MCF2L2: variants seen among roughly 807,000 people sequenced by gnomAD.
MCF2L2 encodes the protein MCF.2 cell line derived transforming sequence-like 2.
A neutral mutation model predicts 150.2 loss-of-function variants in MCF2L2; 102 were observed. That is an observed-to-expected ratio of 0.68 (90% CI 0.58 to 0.80). The LOEUF is 0.80. MCF2L2 is among the 30% of genes least tolerant of loss of function. The pLI, the probability that MCF2L2 is intolerant of heterozygous loss-of-function variation, is 0.00. For synonymous variants in MCF2L2, 465 were observed against 491.3 expected (o/e 0.95, Z 0.71); for missense variants, 1,256 against 1,372.8 (o/e 0.91, Z 1.34).
chr3:183,270,109 G>A lies in MCF2L2; in HGVS notation c.1862+6763C>T. ...ACTGCTCCTGAAAACTATGATCGAC[G>A]TTCCGGAATTAGAAGGACGTGGGGC... On this transcript the variant is annotated intron_variant, in intron 15 of 29. Coordinates refer to ENST00000328913, the MANE Select transcript of MCF2L2 (RefSeq NM_015078.4). The surrounding 1 kb of genome is among the most constrained non-coding windows in gnomAD (Gnocchi z 4.5). The A allele has an allele frequency of 2.5e-6, 4 of 1,614,082 alleles. No individual in the cohort carries two copies. Among genetic ancestry groups the A allele is most frequent in the Non-Finnish European group, 3.4e-6 (4 of 1,180,014 alleles).
chr3:183,209,943 A>G (rs1722632238), intron 22 of MCF2L2, among the ~76,000 whole-genome samples: 1 of 152,186 alleles, frequency 6.6e-6, no homozygotes, highest in African/African-American at 2.4e-5. Flanking sequence ...CCTAAAAAAA[A>G]AAAAACTCCA....
intron 5 of MCF2L2, among the ~76,000 whole-genome samples, chr3:183,326,492 CAAAAAA>C (rs890481068): frequency 7.6e-5 from 3 of 39,434 alleles, no homozygotes; most frequent in East Asian, 9.2e-4. Context: ...AACTCCGTCT[CAAAAAA>C]AAAAAAAAAA....
chr3:183,294,599 ATGTGTG>A (rs766214507), intron 13 of MCF2L2, among the ~76,000 whole-genome samples: 4 of 132,304 alleles, frequency 3.0e-5, no homozygotes, highest in Middle Eastern at 4.0e-3. Flanking sequence ...ATATATGTGT[ATGTGTG>A]TGTGTGTGTG....
At chr3:183,180,257 G>C in intron 27 of MCF2L2, 98 bp from the exon 28 acceptor site, 2 of 765,854 alleles carry the variant, frequency 2.6e-6, no homozygotes, top group Non-Finnish European at 2.3e-6. Flanking sequence ...TTGCAGGCAC[G>C]GTCCTCCCCA....
At chr3:183,342,925 C>T (rs1730760509) in intron 3 of MCF2L2, among the ~76,000 whole-genome samples, 1 of 152,030 alleles carries the variant, frequency 6.6e-6, no homozygotes, top group South Asian at 2.1e-4. Context: ...GCAAAACCTG[C>T]AGGAAAACAT....
In MCF2L2 at chr3:183,398,681, A is replaced by G. The variant is rs182351072; in HGVS notation, c.77-8902T>C. Reference sequence around the variant, plus strand: ...TGGGTCTTTATTAACGCATATTCCAATCAGCATGTTATCTCTAGTTTAATT... The same window carrying G: ...TGGGTCTTTATTAACGCATATTCCAGTCAGCATGTTATCTCTAGTTTAATT... On this transcript the variant is annotated intron_variant, in intron 1 of 29. Transcript: ENST00000328913. Among the ~76,000 whole-genome samples, 83 of 152,304 alleles carry G rather than the reference A, an allele frequency of 5.4e-4. 1 individual carries two copies. The highest frequency in any genetic ancestry group is 3.1e-3 in the Admixed American group (47 of 15,292).
intron 13 of MCF2L2, 109 bp downstream of exon 13, chr3:183,295,191 A>C (rs1452420434): frequency 8.8e-7 from 1 of 1,133,634 alleles, no homozygotes; most frequent in Non-Finnish European, 1.3e-6. Flanking sequence ...TGTTTTAAAT[A>C]GTATCTGTTA....
intron 14 of MCF2L2, among the ~76,000 whole-genome samples, chr3:183,280,303 A>G (rs565640620): frequency 1.5e-4 from 23 of 152,344 alleles, no homozygotes; most frequent in Non-Finnish European, 2.5e-4. Context: ...AAACGCCTAG[A>G]GGAATTTTGT....
At chr3:183,417,346 TCAA>T (rs1290374965) in intron 1 of MCF2L2, among the ~76,000 whole-genome samples, 2 of 152,070 alleles carry the variant, frequency 1.3e-5, no homozygotes, top group Admixed American at 6.6e-5. Flanking sequence ...AAGAAGCTCT[TCAA>T]CTTATGATGA....
intron 6 of MCF2L2, among the ~76,000 whole-genome samples, chr3:183,321,677 ATGTG>A (rs1483028714): frequency 6.6e-6 from 1 of 152,236 alleles, no homozygotes; most frequent in East Asian, 1.9e-4. Context: ...ACACGACTGT[ATGTG>A]TGTGTATAAA....
At chr3:183,250,617 T>C (rs1420953738) in intron 15 of MCF2L2, among the ~76,000 whole-genome samples, 3 of 145,438 alleles carry the variant, frequency 2.1e-5, no homozygotes, top group Non-Finnish European at 3.0e-5. Flanking sequence ...AAGAAAGAAA[T>C]GTAAGTCAAG....
rs35323502 is a variant in MCF2L2 at position 183,257,958 on chromosome 3, C to CTTTT, written c.1862+18910_1862+18913dup. Among the ~76,000 whole-genome samples the CTTTT allele has an allele frequency of 8.2e-3, 529 of 64,708 alleles. 132 individuals carry two copies. Among genetic ancestry groups the CTTTT allele is most frequent in the African/African-American group, 0.034 (484 of 14,370 alleles). The allele number at this position is 64,708 out of a possible 152,430, so 42.5% of individuals were successfully genotyped here. ...TATTCCTTGCTCCCTCCACTTCACC[C>CTTTT]TTTTTTTTTTTTTTTTTTTTTTTTT... On this transcript the variant is annotated intron_variant, in intron 15 of 29. Transcript: ENST00000328913.
At position 183,197,368 on chromosome 3, in the gene MCF2L2, T is replaced by G. The variant is rs1389830623; in HGVS notation, c.2885-2113A>C. ...GAGAAAGAATAGTGTTTTTAACAAC[T>G]GGCAATGGAAAAACTAGAACATCAG... On this transcript the variant is annotated intron_variant, in intron 25 of 29. Coordinates refer to ENST00000328913, the MANE Select transcript of MCF2L2 (RefSeq NM_015078.4). This position sits in a 1 kb window ranked among gnomAD's most constrained non-coding sequence, Gnocchi z 4.5. Among the ~76,000 whole-genome samples, 1 of 152,160 alleles carries G rather than the reference T, an allele frequency of 6.6e-6. No individual in the cohort carries two copies. Among genetic ancestry groups the G allele is most frequent in the Non-Finnish European group, 1.5e-5 (1 of 68,028 alleles).
chr3:183,424,112 G>A (rs1410793686), intron 1 of MCF2L2, among the ~76,000 whole-genome samples: 2 of 152,086 alleles, frequency 1.3e-5, no homozygotes, highest in Non-Finnish European at 2.9e-5. Flanking sequence ...AACCGAAAAG[G>A]GATAGGATGA....
intron 1 of MCF2L2, among the ~76,000 whole-genome samples, chr3:183,405,654 C>T (rs1241554236): frequency 6.6e-6 from 1 of 152,186 alleles, no homozygotes. Flanking sequence ...ATTGAATATG[C>T]CACTGGACAG....
chr3:183,377,327 A>G (rs943075359), intron 3 of MCF2L2: 9 of 152,208 alleles, frequency 5.9e-5, no homozygotes, highest in African/African-American at 2.2e-4. Context: ...TTTGCTGAGG[A>G]TGATGGCTCC....
rs913411626 is a variant in MCF2L2, at chr3:183,305,926, G to A, written c.1113+3790C>T. ...AAGGTCACTATTACAGAATTGAAAG[G>A]ACAACAATAGTTTCTGACCACTGAC... On this transcript the variant is annotated intron_variant, in intron 10 of 29. Coordinates refer to ENST00000328913, the MANE Select transcript of MCF2L2 (RefSeq NM_015078.4). This position sits in a 1 kb window ranked among gnomAD's most constrained non-coding sequence, Gnocchi z 4.1. Among the ~76,000 whole-genome samples the A allele has an allele frequency of 6.6e-6, 1 of 152,158 alleles. No individual in the cohort carries two copies. The highest frequency in any genetic ancestry group is 6.5e-5 in the Admixed American group (1 of 15,270).
chr3:183,415,769 T>C (rs927695726), intron 1 of MCF2L2, among the ~76,000 whole-genome samples: 1 of 152,288 alleles, frequency 6.6e-6, no homozygotes, highest in East Asian at 1.9e-4. Context: ...AGTTGTATCT[T>C]TGAATATAAA....
chr3:183,400,376 G>A (rs1430601867), intron 1 of MCF2L2: 2 of 455,822 alleles, frequency 4.4e-6, no homozygotes, highest in East Asian at 1.4e-4. Context: ...ATTCCAGCCT[G>A]ATGCAACTTC....
Sources: allele counts gnomAD v4.1 joint callset (sites outside exome capture counted in the v4.1 genomes callset), GRCh38; gene constraint gnomAD v4.1.1; non-coding constraint Gnocchi (gnomAD v3.1); transcripts MANE v1.5; gene names NCBI Gene and HGNC (gene_info 2026-07-23, HGNC 2026-07-21).